Variants in RAD51B observed in about 807,000 individuals in gnomAD.
The protein encoded by RAD51B is RAD51 paralog B, also known as DNA repair protein RAD51 homolog 2.
RAD51B carries 38 observed loss-of-function variants against 42.2 expected under a neutral mutation model. That is an observed-to-expected ratio of 0.90 (90% confidence interval 0.70 to 1.18). The LOEUF (loss-of-function observed/expected upper bound fraction) is 1.18, where lower values mean the gene tolerates loss of function less well. Ranked by LOEUF, RAD51B falls within the 50% of genes most tolerant of loss-of-function variation. The probability of loss-of-function intolerance (pLI) is 0.00; values close to 1 mark genes in which losing one functional copy is unlikely to be tolerated. For missense variants in RAD51B, 373 were observed against 400.7 expected (o/e 0.93, Z 0.59); for synonymous variants, 154 against 145.2 (o/e 1.06, Z -0.43).
intron 8 of RAD51B, among the ~76,000 whole-genome samples, chr14:68,298,092 A>G (rs1465783931): frequency 1.3e-5 from 2 of 152,190 alleles, no homozygotes; most frequent in Non-Finnish European, 2.9e-5. Flanking sequence ...GTCTTCCAGC[A>G]GCTGTTCAGA....
At chr14:67,910,905 A>G (rs1389760919) in intron 7 of RAD51B, among the ~76,000 whole-genome samples, 1 of 151,238 alleles carries the variant, frequency 6.6e-6, no homozygotes, top group East Asian at 1.9e-4. Context: ...TCCGCCTCCC[A>G]GGTTCAAGCA....
rs112041607 is a variant in RAD51B, at chr14:68,175,350, T to G, written c.757-116534T>G. Among the ~76,000 whole-genome samples, 1,455 of 152,340 alleles carry G rather than the reference T, an allele frequency of 9.6e-3. 10 individuals are homozygous for G. Among genetic ancestry groups the G allele is most frequent in the African/African-American group, 0.022 (906 of 41,566 alleles). On this transcript the variant is annotated intron_variant, in intron 7 of 10. Transcript: ENST00000471583. ...TAAGCAGAGCAATTTAAGTACTGAA[T>G]GCTTCATACTGACCATTTCCATTTT...
intron 7 of RAD51B, among the ~76,000 whole-genome samples, chr14:68,067,834 A>G (rs1430146810): frequency 6.8e-6 from 1 of 146,052 alleles, no homozygotes; most frequent in African/African-American, 2.5e-5. Context: ...AGGGAGGCTG[A>G]GGCAGGAGAA....
chr14:68,622,928 A>G (rs887088599), intron 10 of RAD51B, among the ~76,000 whole-genome samples: 2 of 151,998 alleles, frequency 1.3e-5, no homozygotes, highest in Non-Finnish European at 2.9e-5. Context: ...AGAACTCTGT[A>G]AATTAATTCA....
chr14:67,879,514 T>C (rs775296997), intron 5 of RAD51B, among the ~76,000 whole-genome samples: 2 of 152,014 alleles, frequency 1.3e-5, no homozygotes, highest in African/African-American at 2.4e-5. Context: ...ATGATCATAG[T>C]TCACTGTAAC....
At chr14:68,333,585 C>T (rs1225787045) in intron 8 of RAD51B, among the ~76,000 whole-genome samples, 1 of 152,142 alleles carries the variant, frequency 6.6e-6, no homozygotes, top group South Asian at 2.1e-4. Flanking sequence ...AAATTATGTA[C>T]AACAAAGGCT....
At chr14:68,183,063 G>A (rs1490955053) in intron 7 of RAD51B, among the ~76,000 whole-genome samples, 1 of 152,052 alleles carries the variant, frequency 6.6e-6, no homozygotes, top group African/African-American at 2.4e-5. Flanking sequence ...TCTTGTGTTA[G>A]GGTTCTCTAG....
At chr14:68,450,637 TCTCA>T (rs1216370309) in intron 9 of RAD51B, among the ~76,000 whole-genome samples, 1 of 152,184 alleles carries the variant, frequency 6.6e-6, no homozygotes, top group East Asian at 1.9e-4. Context: ...ACATAGTTTT[TCTCA>T]CTCAGAACCA....
intron 7 of RAD51B, among the ~76,000 whole-genome samples, chr14:67,893,508 AC>A (rs61225898): frequency 0.12 from 6,926 of 58,368 alleles, 297 homozygotes; most frequent in East Asian, 0.26. Flanking sequence ...ACACACACAC[AC>A]AAAAAAAAAC....
At chr14:67,921,525 C>T (rs1208845908) in intron 7 of RAD51B, among the ~76,000 whole-genome samples, 1 of 150,764 alleles carries the variant, frequency 6.6e-6, no homozygotes, top group Non-Finnish European at 1.5e-5. Context: ...AAAGCAAGGA[C>T]ATAACCCACA....
intron 10 of RAD51B, among the ~76,000 whole-genome samples, chr14:68,648,295 A>C (rs1028041804): frequency 6.8e-6 from 1 of 147,618 alleles, no homozygotes; most frequent in Admixed American, 6.7e-5. Context: ...TCCCACTAAT[A>C]CTTAGCTTTT....
intron 9 of RAD51B, among the ~76,000 whole-genome samples, chr14:68,438,672 A>G (rs1340955419): frequency 6.6e-6 from 1 of 152,128 alleles, no homozygotes; most frequent in Non-Finnish European, 1.5e-5. Flanking sequence ...CCATTTCCTT[A>G]TTTCGGATCC....
rs1375100294 is a variant in RAD51B at position 68,497,320 on chromosome 14, G to A, written c.1036+29070G>A. On this transcript the variant is annotated intron_variant, in intron 10 of 10. Transcript: ENST00000487270. ...GAATTCTAGAGGATGTATCTCACAA[G>A]TAGGATCAAGAACAAGCCCAACAGT... 8.7e-6 allele frequency: 11 copies of A among 1,262,006 alleles called. No individual in the cohort carries two copies. The South Asian group carries it at 1.8e-4, about 21-fold the overall frequency. 78.2% of individuals were successfully genotyped at this position (1,262,006 alleles called of 1,614,324 possible).
chr14:68,513,544 C>T lies in RAD51B; in HGVS notation c.1036+45294C>T, dbSNP rs191541203. Among the ~76,000 whole-genome samples the T allele has an allele frequency of 6.7e-3, 1,027 of 152,304 alleles. 5 individuals carry two copies. The highest frequency in any genetic ancestry group is 0.022 in the African/African-American group (909 of 41,558). ...TCCAGACACATTCGGAAGAAGCAGA[C>T]TCAAATACAGACCCCACCTTTGGGG... On this transcript the variant is annotated intron_variant, in intron 10 of 10. Coordinates refer to the RAD51B transcript ENST00000487270.
chr14:68,515,924 C>T (rs936481579), intron 10 of RAD51B, among the ~76,000 whole-genome samples: 5 of 151,826 alleles, frequency 3.3e-5, no homozygotes, highest in Non-Finnish European at 2.9e-5. Flanking sequence ...TAGCTGGGAC[C>T]ACAGGCACCC....
intron 7 of RAD51B, among the ~76,000 whole-genome samples, chr14:68,127,298 CTG>C (rs1467173094): frequency 1.3e-5 from 2 of 152,144 alleles, no homozygotes; most frequent in African/African-American, 4.8e-5. Context: ...TGTTCACTCC[CTG>C]TGCTCTGCTA....
At chr14:68,582,733 G>A (rs1890267004) in intron 10 of RAD51B, among the ~76,000 whole-genome samples, 1 of 152,206 alleles carries the variant, frequency 6.6e-6, no homozygotes, top group Admixed American at 6.5e-5. Context: ...GTTCACAATA[G>A]CAAAGACTTG....
chr14:68,497,305 G>C, intron 10 of RAD51B: 2 of 1,267,348 alleles, frequency 1.6e-6, no homozygotes, highest in South Asian at 3.2e-5. Flanking sequence ...GAATTCTAGA[G>C]GATGTATCTC....
intron 5 of RAD51B, among the ~76,000 whole-genome samples, chr14:67,874,673 T>G (rs1352736796): frequency 6.6e-6 from 1 of 151,910 alleles, no homozygotes; most frequent in Non-Finnish European, 1.5e-5. Context: ...TTTTTGTTGT[T>G]TTTTTTTAAC....
Sources: gnomAD v4.1 joint callset for allele counts (sites outside exome capture counted in the v4.1 genomes callset) on GRCh38, gnomAD v4.1.1 for gene constraint, MANE v1.5 for transcripts, NCBI Gene and HGNC (gene_info 2026-07-23, HGNC 2026-07-21) for gene names.